Variants in EFTUD2 observed in about 807,000 individuals in gnomAD.
The protein encoded by EFTUD2 is 116 kDa U5 small nuclear ribonucleoprotein component.
In EFTUD2, 9 loss-of-function variants were observed where a neutral mutation model predicts 114.3. The ratio of observed to expected loss-of-function variants is 0.08; its 90% CI spans 0.05 to 0.14. The LOEUF (loss-of-function observed/expected upper bound fraction) is 0.14, where lower values mean the gene tolerates loss of function less well. Ranked by LOEUF, EFTUD2 falls within the 10% of genes least tolerant of loss-of-function variation. The probability of loss-of-function intolerance (pLI) is 1.00; values close to 1 mark genes in which losing one functional copy is unlikely to be tolerated. For synonymous variants in EFTUD2, 449 were observed against 462.3 expected (o/e 0.97, Z 0.37); for missense variants, 765 against 1,241.2 (o/e 0.62, Z 5.76).
intron 14 of EFTUD2, chr17:44,864,026 C>T: frequency 2.7e-6 from 1 of 375,862 alleles, no homozygotes; most frequent in Non-Finnish European, 4.8e-6. Context: ...TTCCTTGGAA[C>T]TCAGCTGACA....
At position 44,853,364 on chromosome 17, in the gene EFTUD2, G is replaced by A; in HGVS notation, c.2493C>T (p.Tyr831=). ...CAGGGGCCTGGACCTCTACAAAGTA[G>A]TAAGGCTCCATCAGACGAGGAGTAG... ...LMATPRLMEP[Y]YFVEVQAPAD... The change falls in exon 25 of 28, where the codon TAC becomes TAT. Residue 831 remains tyrosine, a synonymous_variant. Transcript: ENST00000426333. The A allele has an allele frequency of 6.2e-7, 1 of 1,614,188 alleles. No homozygotes were observed. Among genetic ancestry groups the A allele is most frequent in the South Asian group, 1.1e-5 (1 of 91,088 alleles).
At chr17:44,885,212 C>T (rs1438276620) in intron 4 of EFTUD2, 44 bp downstream of exon 4, 9 of 1,511,384 alleles carry the variant, frequency 6.0e-6, no homozygotes, top group African/African-American at 2.8e-5. Flanking sequence ...AAAACATGAA[C>T]CCACAGCATT....
intron 10 of EFTUD2, chr17:44,872,884 AATGTG>A (rs1296363815): frequency 6.0e-6 from 1 of 167,694 alleles, no homozygotes; most frequent in Non-Finnish European, 1.3e-5. Context: ...AAATGAATCT[AATGTG>A]ATAAGACAGA....
chr17:44,869,742 T>C (rs1432988199), intron 11 of EFTUD2, among the ~76,000 whole-genome samples: 1 of 152,092 alleles, frequency 6.6e-6, no homozygotes, highest in Non-Finnish European at 1.5e-5. Flanking sequence ...CCAAGCCCCA[T>C]CTCTTTCCCT....
chr17:44,875,973 T>C lies in EFTUD2; in HGVS notation c.830A>G (p.Lys277Arg). Residue 277 changes from lysine to arginine, a missense_variant, in exon 10 of 28, where the codon AAG becomes AGG. By Grantham distance (26) the Lys-to-Arg change is conservative (BLOSUM62 2). Around this residue, in one of 6 missense-constraint regions of EFTUD2, gnomAD observed 251 missense variants for 357.7 expected, o/e 0.70. Transcript: ENST00000426333. ...GACCTCATCCACAATGTGGCGCAGC[T>C]TGTAATAAGCATCAGTTGGAGGCAG... ...LKLPPTDAYY[K>R]LRHIVDEVNG... The C allele has an allele frequency of 1.9e-6, 3 of 1,614,090 alleles. No homozygotes were observed. The highest frequency in any genetic ancestry group is 2.5e-6 in the Non-Finnish European group (3 of 1,180,026).
rs3785890 is a variant in EFTUD2 at position 44,868,499 on chromosome 17, A to G, written c.995-149T>C. The G allele has an allele frequency of 0.64, 424,364 of 658,148 alleles. 139,972 individuals carry two copies. The highest frequency in any genetic ancestry group is 0.93 in the African/African-American group (50,614 of 54,388). 40.8% of individuals were successfully genotyped at this position (658,148 alleles called of 1,614,324 possible). A position where few individuals can be genotyped will look rare whatever the true frequency, so the allele number is the denominator to read the frequency against. ...TTCCTTCTAACCAGAGAGGAAAACG[A>G]GGACACTGAGGCACAAAGAAGGACA... is the stretch of plus-strand genomic sequence containing the variant. On this transcript the variant is annotated intron_variant, in intron 11 of 27. Transcript: ENST00000426333.
At chr17:44,862,439 C>A (rs1334627325) in intron 16 of EFTUD2, among the ~76,000 whole-genome samples, 1 of 151,776 alleles carries the variant, frequency 6.6e-6, no homozygotes, top group Non-Finnish European at 1.5e-5. Flanking sequence ...TGTCTCAAAA[C>A]AAACAAATAG....
chr17:44,894,477 T>G lies in EFTUD2; in HGVS notation c.45A>C (p.Pro15=). The change falls in exon 2 of 28, where the codon CCA becomes CCC. Residue 15 remains proline (P), a synonymous_variant. Coordinates refer to ENST00000426333, the MANE Select transcript of EFTUD2 (RefSeq NM_004247.4). ...CATCATCTTCATCAGAATCAAGCTC[T>G]GGTCCAATATAATTCCCAAACTCAT... ...LYDEFGNYIG[P]ELDSDEDDDE... The G allele has an allele frequency of 6.2e-7, 1 of 1,614,210 alleles. No individual in the cohort carries two copies. Among genetic ancestry groups the G allele is most frequent in the Non-Finnish European group, 8.5e-7 (1 of 1,180,008 alleles).
Position 44,853,400 on chromosome 17 carries a change from A to C in EFTUD2, c.2467-10T>G, listed in dbSNP as rs1281722074. On this transcript the variant is annotated splice_polypyrimidine_tract_variant and intron_variant, in intron 24 of 27. Transcript: ENST00000426333. ...TCAGACGAGGAGTAGCCTGCAGCAGAGCAAGAAGAAAGGCCCCTCAGCTTG... is the reference window on the plus strand; with the variant it reads ...TCAGACGAGGAGTAGCCTGCAGCAGCGCAAGAAGAAAGGCCCCTCAGCTTG... 3.1e-6 allele frequency: 5 copies of C among 1,614,036 alleles called. No homozygotes were observed. Among genetic ancestry groups the C allele is most frequent in the Non-Finnish European group, 3.4e-6 (4 of 1,179,998 alleles).
intron 1 of EFTUD2, among the ~76,000 whole-genome samples, chr17:44,897,907 T>C (rs1342247434): frequency 5.9e-5 from 9 of 152,110 alleles, no homozygotes; most frequent in Non-Finnish European, 1.2e-4. Flanking sequence ...GTACCAATGC[T>C]AACACAGCCA....
chr17:44,850,442 C>A lies in EFTUD2; in HGVS notation c.*832G>T. 1 of 1,396,510 alleles carries A rather than the reference C, an allele frequency of 7.2e-7. No individual in the cohort carries two copies. The highest frequency in any genetic ancestry group is 1.0e-6 in the Non-Finnish European group (1 of 988,856). 86.5% of individuals were successfully genotyped at this position (1,396,510 alleles called of 1,614,324 possible). A position where few individuals can be genotyped will look rare whatever the true frequency, so the allele number is the denominator to read the frequency against. ...CTGTCCAACTCCCCTAACTCAATCC[C>A]TGGTACATTCCTAATAAAGCAGTTT... is the stretch of plus-strand genomic sequence containing the variant. On this transcript the variant is annotated 3_prime_UTR_variant, in exon 28 of 28. Transcript: ENST00000426333.
chr17:44,850,420 T>TGAAC lies in EFTUD2; in HGVS notation c.*853_*854insGTTC, dbSNP rs1424398252. 1 of 1,573,726 alleles carries TGAAC rather than the reference T, an allele frequency of 6.4e-7. No individual in the cohort carries two copies. Among genetic ancestry groups the TGAAC allele is most frequent in the Non-Finnish European group, 8.7e-7 (1 of 1,145,910 alleles). ...AGGACTCCTATAGGAGCCGGGGCTG[T>TGAAC]CCAACTCCCCTAACTCAATCCCTGG... On this transcript the variant is annotated 3_prime_UTR_variant, in exon 28 of 28. Coordinates refer to ENST00000426333, the MANE Select transcript of EFTUD2 (RefSeq NM_004247.4).
chr17:44,857,493 CAG>C (rs2050577642), intron 19 of EFTUD2: 3 of 302,788 alleles, frequency 9.9e-6, no homozygotes, highest in Admixed American at 4.2e-5. Context: ...ATGGGTCTGA[CAG>C]AGCTGGTGCT....
intron 15 of EFTUD2, 141 bp downstream of exon 15, chr17:44,863,512 CTT>C (rs2050693575): frequency 7.3e-6 from 9 of 1,225,838 alleles, no homozygotes; most frequent in Non-Finnish European, 2.3e-6. Context: ...CAACATCAGG[CTT>C]TGCATTCAGG....
intron 9 of EFTUD2, among the ~76,000 whole-genome samples, chr17:44,876,870 A>AAAAAC (rs2050965060): frequency 2.7e-5 from 4 of 150,142 alleles, no homozygotes; most frequent in Non-Finnish European, 5.9e-5. Context: ...AAAAAAAAAA[A>AAAAAC]AAAAAAAAAA....
chr17:44,867,915 T>A lies in EFTUD2; in HGVS notation c.1059-18A>T, dbSNP rs751545166. 1.9e-6 allele frequency: 3 copies of A among 1,569,814 alleles called. No individual in the cohort carries two copies. The highest frequency in any genetic ancestry group is 8.7e-7 in the Non-Finnish European group (1 of 1,155,786). ...ACTTTCGCCTAAAAGGAAAAATAAG[T>A]TCTGAGTGACCCAGGGGAAAAGGCA... On this transcript the variant is annotated intron_variant, in intron 12 of 27. Coordinates refer to ENST00000426333, the MANE Select transcript of EFTUD2 (RefSeq NM_004247.4).
intron 20 of EFTUD2, among the ~76,000 whole-genome samples, chr17:44,855,511 T>G (rs1231873684): frequency 6.6e-6 from 1 of 151,674 alleles, no homozygotes; most frequent in Admixed American, 6.6e-5. Context: ...GAGGTTGCAG[T>G]GAGCCGAGAT....
chr17:44,888,473 A>G (rs191846307), intron 2 of EFTUD2, among the ~76,000 whole-genome samples: 481 of 152,294 alleles, frequency 3.2e-3, no homozygotes, highest in Non-Finnish European at 5.4e-3. Flanking sequence ...GTTTTAAAAG[A>G]ACCACTCCAG....
In EFTUD2 at chr17:44,868,316, G is replaced by C; in HGVS notation, c.1029C>G (p.Leu343=). The change falls in exon 12 of 28, where the codon CTC becomes CTG. Residue 343 remains leucine (L), a synonymous_variant. Transcript: ENST00000426333. ...DINYQEFAKR[L]WGDIYFNPKT... ...TAGGGTTGAAGTAGATGTCACCCCA[G>C]AGTCTTTTAGCAAATTCTTGGTAAT... 1.2e-6 allele frequency: 2 copies of C among 1,614,014 alleles called. No homozygotes were observed. The highest frequency in any genetic ancestry group is 1.7e-5 in the Admixed American group (1 of 60,010).
Sources: allele counts gnomAD v4.1 joint callset (sites outside exome capture counted in the v4.1 genomes callset), GRCh38; gene constraint gnomAD v4.1.1; regional missense constraint gnomAD v4.1.1; transcripts MANE v1.5; gene names NCBI Gene and HGNC (gene_info 2026-07-23, HGNC 2026-07-21).